The following PPP2R5D variants were observed in gnomAD, a reference collection of about 807,000 sequenced individuals.
The protein encoded by PPP2R5D is protein phosphatase 2 regulatory subunit B'delta, also known as serine/threonine-protein phosphatase 2A 56 kDa regulatory subunit delta isoform.
A neutral mutation model predicts 79.1 loss-of-function variants in PPP2R5D; 12 were observed. That is an observed-to-expected ratio of 0.15 (90% CI 0.10 to 0.25). The LOEUF is 0.25. PPP2R5D is among the 10% of genes least tolerant of loss of function. The pLI, the probability that PPP2R5D is intolerant of heterozygous loss-of-function variation, is 1.00. For synonymous variants in PPP2R5D, 277 were observed against 286.6 expected (o/e 0.97, Z 0.34); for missense variants, 419 against 760.2 (o/e 0.55, Z 5.28).
In PPP2R5D at chr6:43,000,236, C is replaced by CTTTTTTTTTTTTTTT. The variant is rs1204045076; in HGVS notation, c.106-6222_106-6208dup. 7.4e-4 allele frequency among the ~76,000 whole-genome samples: 78 copies of CTTTTTTTTTTTTTTT among 106,012 alleles called. 9 individuals carry two copies. Among genetic ancestry groups the CTTTTTTTTTTTTTTT allele is most frequent in the African/African-American group, 3.2e-3 (64 of 20,286 alleles). 69.5% of individuals were successfully genotyped at this position (106,012 alleles called of 152,430 possible). On this transcript the variant is annotated intron_variant, in intron 2 of 15. Coordinates refer to ENST00000485511, the MANE Select transcript of PPP2R5D (RefSeq NM_006245.4). ...GGCGTGAGCCACCACGTCTGGCCAC[C>CTTTTTTTTTTTTTTT]TTTTTTTTTTTTTTTTTTTGAGATA...
At chr6:42,998,029 A>G (rs1771851770) in intron 2 of PPP2R5D, among the ~76,000 whole-genome samples, 1 of 13,636 alleles carries the variant, frequency 7.3e-5, no homozygotes, top group African/African-American at 1.9e-4. Flanking sequence ...ATATATATAT[A>G]TATATATATA....
Position 43,011,437 on chromosome 6 carries a change from A to T in PPP2R5D, c.*151A>T. 1.9e-6 allele frequency: 2 copies of T among 1,061,510 alleles called. No homozygotes were observed. The highest frequency in any genetic ancestry group is 2.7e-6 in the Non-Finnish European group (2 of 747,310). The allele number at this position is 1,061,510 out of a possible 1,614,324, so 65.8% of individuals were successfully genotyped here. On this transcript the variant is annotated 3_prime_UTR_variant, in exon 16 of 16. Coordinates refer to ENST00000485511, the MANE Select transcript of PPP2R5D (RefSeq NM_006245.4). ...GGGGATGTGGGCACTTGAAGCAGGGACACCCACAGAATGGTCCCTCTTCTC... is the reference window on the plus strand; with the variant it reads ...GGGGATGTGGGCACTTGAAGCAGGGTCACCCACAGAATGGTCCCTCTTCTC...
At position 43,007,785 on chromosome 6, in the gene PPP2R5D, A is replaced by C; in HGVS notation, c.727-150A>C. On this transcript the variant is annotated intron_variant, in intron 6 of 15. Transcript: ENST00000485511. This position sits in a 1 kb window ranked among gnomAD's most constrained non-coding sequence, Gnocchi z 4.5. The stretch of plus-strand genomic sequence containing the variant: ...GTCTCAGTACAAATACAATAGAATC[A>C]GCAATATAATAGAATCACTGCTTTC... 9.9e-7 allele frequency: 1 copy of C among 1,010,774 alleles called. No homozygotes were observed. The highest frequency in any genetic ancestry group is 2.1e-5 in the Admixed American group (1 of 48,626). The allele number at this position is 1,010,774 out of a possible 1,614,324, so 62.6% of individuals were successfully genotyped here.
At chr6:42,989,055 G>A (rs890379262) in intron 1 of PPP2R5D, among the ~76,000 whole-genome samples, 6 of 152,214 alleles carry the variant, frequency 3.9e-5, no homozygotes, top group African/African-American at 1.4e-4. Context: ...GGCATTTTGA[G>A]TGGGACAGTT....
At chr6:42,995,279 G>C (rs1467741720) in intron 2 of PPP2R5D, among the ~76,000 whole-genome samples, 1 of 151,608 alleles carries the variant, frequency 6.6e-6, no homozygotes, top group Admixed American at 6.6e-5. Flanking sequence ...CTGCAGGCAC[G>C]AGCCACTGTG....
In PPP2R5D at chr6:43,006,586, G is replaced by A. The variant is rs1281707054; in HGVS notation, c.229G>A (p.Gly77Arg). 6.2e-7 allele frequency: 1 copy of A among 1,614,106 alleles called. No homozygotes were observed. The highest frequency in any genetic ancestry group is 1.1e-5 in the South Asian group (1 of 91,088). Residue 77 changes from glycine (G) to arginine (R), a missense_variant, in exon 3 of 16, where the codon GGG becomes AGG. By Grantham distance (125) the Gly-to-Arg change is moderately radical (BLOSUM62 -2). Transcript: ENST00000485511. This position sits in a 1 kb window ranked among gnomAD's most constrained non-coding sequence, Gnocchi z 4.7. ...GCTCAGCAAAATCAAGTACTCAGGG[G>A]GGCCCCAGATTGTCAAGAAGGAGCG... is the stretch of plus-strand genomic sequence containing the variant. Reference protein sequence around the residue: ...TQLSKIKYSGGPQIVKKERRQ... With the variant: ...TQLSKIKYSGRPQIVKKERRQ...
Position 43,007,881 on chromosome 6 carries a change from C to G in PPP2R5D, c.727-54C>G. On this transcript the variant is annotated intron_variant, in intron 6 of 15. Transcript: ENST00000485511. The surrounding 1 kb of genome is among the most constrained non-coding windows in gnomAD (Gnocchi z 4.5). ...GGCGGGACCTATGTCACCCTGGCCA[C>G]TGCCTTCCCTGGCTGCTGCCTCACT... is the stretch of plus-strand genomic sequence containing the variant. 6.2e-7 allele frequency: 1 copy of G among 1,608,644 alleles called. No individual in the cohort carries two copies. The highest frequency in any genetic ancestry group is 1.1e-5 in the South Asian group (1 of 90,862).
At chr6:42,991,856 A>G (rs1392957707) in intron 2 of PPP2R5D, among the ~76,000 whole-genome samples, 2 of 152,184 alleles carry the variant, frequency 1.3e-5, no homozygotes, top group African/African-American at 4.8e-5. Flanking sequence ...GGTCTATTAC[A>G]AGCAATCTGG....
chr6:43,002,735 C>G (rs1761820557), intron 2 of PPP2R5D, among the ~76,000 whole-genome samples: 1 of 152,180 alleles, frequency 6.6e-6, no homozygotes, highest in African/African-American at 2.4e-5. Flanking sequence ...ATAAAAAATT[C>G]AGAGGATGCA....
intron 1 of PPP2R5D, among the ~76,000 whole-genome samples, chr6:42,986,732 T>C (rs890358735): frequency 6.6e-6 from 1 of 151,834 alleles, no homozygotes; most frequent in Non-Finnish European, 1.5e-5. Context: ...TAATTTTTAG[T>C]CTGTTGGACT....
intron 2 of PPP2R5D, among the ~76,000 whole-genome samples, chr6:42,999,819 C>A (rs1308035879): frequency 6.6e-6 from 1 of 152,024 alleles, no homozygotes; most frequent in African/African-American, 2.4e-5. Context: ...CCTCGGCCTC[C>A]CAAAGAGCTG....
At chr6:42,988,157 C>A (rs1036406908) in intron 1 of PPP2R5D, among the ~76,000 whole-genome samples, 2 of 152,188 alleles carry the variant, frequency 1.3e-5, no homozygotes, top group Admixed American at 1.3e-4. Context: ...ACACAGAGCT[C>A]TCTTCTCCCT....
intron 2 of PPP2R5D, among the ~76,000 whole-genome samples, chr6:43,002,868 G>A (rs1410699662): frequency 6.6e-6 from 1 of 152,184 alleles, no homozygotes; most frequent in Non-Finnish European, 1.5e-5. Context: ...TGGCAGGTAT[G>A]AGGCCAAGAG....
chr6:42,999,484 C>G (rs1206596270), intron 2 of PPP2R5D, among the ~76,000 whole-genome samples: 1 of 152,198 alleles, frequency 6.6e-6, no homozygotes, highest in African/African-American at 2.4e-5. Flanking sequence ...TCCAGCCACT[C>G]TAGCCTTCAA....
intron 2 of PPP2R5D, among the ~76,000 whole-genome samples, chr6:43,000,569 G>A (rs560762974): frequency 6.6e-6 from 1 of 152,222 alleles, no homozygotes; most frequent in East Asian, 1.9e-4. Context: ...AAAACATTGA[G>A]GCCTTCCTTT....
Position 43,006,597 on chromosome 6 carries a change from T to G in PPP2R5D, c.240T>G (p.Ile80Met). ...SKIKYSGGPQ[I>M]VKKERRQSSS... ...TCAAGTACTCAGGGGGGCCCCAGAT[T>G]GTCAAGAAGGAGCGACGGCAAAGCT... is the stretch of plus-strand genomic sequence containing the variant. The change falls in exon 3 of 16, where the codon ATT (isoleucine) becomes ATG (methionine). Residue 80 changes from isoleucine (I) to methionine (M), a missense_variant. By Grantham distance (10) the Ile-to-Met change is conservative. Transcript: ENST00000485511. The surrounding 1 kb of genome is among the most constrained non-coding windows in gnomAD (Gnocchi z 4.7). 1 of 1,614,058 alleles carries G rather than the reference T, an allele frequency of 6.2e-7. No homozygotes were observed. The highest frequency in any genetic ancestry group is 8.5e-7 in the Non-Finnish European group (1 of 1,179,998).
chr6:42,986,103 C>T (rs954488308), intron 1 of PPP2R5D, among the ~76,000 whole-genome samples: 4 of 152,152 alleles, frequency 2.6e-5, no homozygotes, highest in African/African-American at 9.7e-5. Context: ...ATGTTGCCTT[C>T]TTTCACCTTC....
At chr6:43,001,595 T>G (rs888754932) in intron 2 of PPP2R5D, among the ~76,000 whole-genome samples, 1 of 151,962 alleles carries the variant, frequency 6.6e-6, no homozygotes, top group African/African-American at 2.4e-5. Flanking sequence ...TATAAAATGC[T>G]TCTTTAGGGC....
intron 2 of PPP2R5D, among the ~76,000 whole-genome samples, chr6:42,994,607 C>A (rs1046285899): frequency 1.9e-4 from 28 of 149,466 alleles, no homozygotes; most frequent in African/African-American, 6.6e-4. Context: ...GAGTTAGAGA[C>A]CAGCCTGGCC....
Sources: allele counts gnomAD v4.1 joint callset (sites outside exome capture counted in the v4.1 genomes callset), GRCh38; gene constraint gnomAD v4.1.1; non-coding constraint Gnocchi (gnomAD v3.1); transcripts MANE v1.5; gene names NCBI Gene and HGNC (gene_info 2026-07-23, HGNC 2026-07-21).